The following PPM1B variants were observed in gnomAD, a reference collection of about 807,000 sequenced individuals.
PPM1B encodes protein phosphatase, Mg2+/Mn2+ dependent 1B, also known as protein phosphatase 1B.
In PPM1B, 22 loss-of-function variants were observed where a neutral mutation model predicts 43.0. The ratio of observed to expected loss-of-function variants is 0.51; its 90% CI spans 0.37 to 0.73. PPM1B has a LOEUF of 0.73. Among genes scored for constraint, PPM1B ranks in the 30% least tolerant of loss-of-function variants. The probability of loss-of-function intolerance (pLI) is 0.00; values close to 1 mark genes in which losing one functional copy is unlikely to be tolerated. For missense variants in PPM1B, 632 were observed against 584.2 expected (o/e 1.08, Z -0.84); for synonymous variants, 217 against 197.9 (o/e 1.10, Z -0.81).
intron 3 of PPM1B, among the ~76,000 whole-genome samples, chr2:44,209,602 C>A (rs566304274): frequency 1.3e-5 from 2 of 152,002 alleles, no homozygotes; most frequent in African/African-American, 4.8e-5. Context: ...ACGGTGAAAC[C>A]CCGTCTCTGC....
At chr2:44,208,090 A>G (rs1248512643) in intron 2 of PPM1B, among the ~76,000 whole-genome samples, 2 of 151,198 alleles carry the variant, frequency 1.3e-5, no homozygotes, top group African/African-American at 2.4e-5. Flanking sequence ...GGGTTTCACC[A>G]TGTTAGTCAG....
At chr2:44,196,572 T>C (rs141039375) in intron 1 of PPM1B, among the ~76,000 whole-genome samples, 30 of 152,334 alleles carry the variant, frequency 2.0e-4, no homozygotes, top group African/African-American at 4.8e-4. Flanking sequence ...TCCACCCTTA[T>C]GGGGTGGGAA....
chr2:44,176,365 G>T (rs1667581142), intron 1 of PPM1B, among the ~76,000 whole-genome samples: 1 of 152,204 alleles, frequency 6.6e-6, no homozygotes, highest in Middle Eastern at 3.2e-3. Flanking sequence ...AAGGATTAGT[G>T]GTTGACCAAT....
At position 44,201,988 on chromosome 2, in the gene PPM1B, G is replaced by C; in HGVS notation, c.789G>C (p.Glu263Asp). 1 of 1,612,586 alleles carries C rather than the reference G, an allele frequency of 6.2e-7. No individual in the cohort carries two copies. The highest frequency in any genetic ancestry group is 8.5e-7 in the Non-Finnish European group (1 of 1,179,254). ...ELCEYVKSRL[E>D]VSDDLENVCN... ...GTGAATATGTTAAATCTAGGCTTGA[G>C]GTATCTGATGACCTGGAAAATGTGT... The change falls in exon 2 of 6, where the codon GAG becomes GAC. Residue 263 changes from glutamate (E) to aspartate (D), a missense_variant. Transcript: ENST00000282412. This position sits in a 1 kb window ranked among gnomAD's most constrained non-coding sequence, Gnocchi z 5.4.
chr2:44,230,055 C>G, intron 5 of PPM1B: 1 of 1,562,784 alleles, frequency 6.4e-7, no homozygotes, highest in South Asian at 1.2e-5. Flanking sequence ...CTGCTTTAAA[C>G]ATTGATTTTC....
chr2:44,181,511 A>G (rs1456890182), intron 1 of PPM1B, among the ~76,000 whole-genome samples: 1 of 152,224 alleles, frequency 6.6e-6, no homozygotes, highest in Non-Finnish European at 1.5e-5. Context: ...GAGATCCACT[A>G]GGAAGAAGTT....
chr2:44,213,114 T>C (rs1669558761), intron 3 of PPM1B, among the ~76,000 whole-genome samples: 1 of 150,836 alleles, frequency 6.6e-6, no homozygotes, highest in Admixed American at 6.6e-5. Context: ...CTTTTTTTTT[T>C]TTTTTTTCTT....
At chr2:44,186,549 T>G (rs1668127147) in intron 1 of PPM1B, among the ~76,000 whole-genome samples, 1 of 152,034 alleles carries the variant, frequency 6.6e-6, no homozygotes, top group South Asian at 2.1e-4. Context: ...TTGAAGTTTT[T>G]TTTTTTATAG....
At chr2:44,218,701 A>C (rs1669839026) in intron 5 of PPM1B, 164 bp downstream of exon 5, 1 of 582,782 alleles carries the variant, frequency 1.7e-6, no homozygotes, top group African/African-American at 1.9e-5. Context: ...AAATGTATTG[A>C]AATGAAGGTA....
At chr2:44,195,104 G>A in intron 1 of PPM1B, among the ~76,000 whole-genome samples, 1 of 151,610 alleles carries the variant, frequency 6.6e-6, no homozygotes. Flanking sequence ...TATTGGCCAG[G>A]CTGATCTCAA....
At chr2:44,242,448 T>G (rs949280259) in intron 5 of PPM1B, among the ~76,000 whole-genome samples, 3 of 152,146 alleles carry the variant, frequency 2.0e-5, no homozygotes, top group African/African-American at 7.2e-5. Flanking sequence ...ATAGGTAAAA[T>G]TGTTGTATTT....
intron 5 of PPM1B, among the ~76,000 whole-genome samples, chr2:44,228,189 T>TC (rs1670308792): frequency 7.3e-6 from 1 of 137,358 alleles, no homozygotes; most frequent in Non-Finnish European, 1.5e-5. Flanking sequence ...AACAAGCCCT[T>TC]TTTTTTTTTT....
chr2:44,182,082 T>TA (rs201989839), intron 1 of PPM1B, among the ~76,000 whole-genome samples: 1,633 of 152,326 alleles, frequency 0.011, 14 homozygotes, highest in Middle Eastern at 0.024. Flanking sequence ...AGCTTCTTCT[T>TA]ACGACTGATA....
downstream of PPM1B, chr2:44,232,724 T>C (rs1274363348): frequency 9.9e-7 from 1 of 1,009,706 alleles, no homozygotes; most frequent in Non-Finnish European, 1.2e-6. Context: ...ACACACAACA[T>C]GTAAGCATGT....
At chr2:44,209,077 G>A in intron 2 of PPM1B, 133 bp from the exon 3 acceptor site, 1 of 761,994 alleles carries the variant, frequency 1.3e-6, no homozygotes, top group South Asian at 2.5e-5. Context: ...TAATTCATTG[G>A]AATAAAAATG....
downstream of PPM1B, among the ~76,000 whole-genome samples, chr2:44,238,475 G>T (rs1040867322): frequency 2.6e-5 from 4 of 152,096 alleles, no homozygotes; most frequent in African/African-American, 9.7e-5. Context: ...GCCGAGGTGG[G>T]TGGATCACCT....
At chr2:44,218,889 C>T (rs1431517518) in intron 5 of PPM1B, 2 of 465,982 alleles carry the variant, frequency 4.3e-6, no homozygotes, top group Admixed American at 2.3e-5. Context: ...CTCCAGCAGG[C>T]TGCTGCCATC....
intron 2 of PPM1B, among the ~76,000 whole-genome samples, chr2:44,205,984 C>T (rs191363901): frequency 5.6e-4 from 85 of 152,248 alleles, no homozygotes; most frequent in African/African-American, 1.8e-3. Context: ...CCATTGCACT[C>T]CAGCCTGGGC....
intron 1 of PPM1B, among the ~76,000 whole-genome samples, chr2:44,178,236 A>G (rs1313997466): frequency 1.3e-5 from 2 of 151,852 alleles, no homozygotes; most frequent in African/African-American, 4.8e-5. Context: ...CATTTTGTCT[A>G]GTCTTTTTTG....
Sources: allele counts gnomAD v4.1 joint callset (sites outside exome capture counted in the v4.1 genomes callset), GRCh38; gene constraint gnomAD v4.1.1; non-coding constraint Gnocchi (gnomAD v3.1); transcripts MANE v1.5; gene names NCBI Gene and HGNC (gene_info 2026-07-23, HGNC 2026-07-21).